Variants in F13A1 observed in about 807,000 individuals in gnomAD.
F13A1 encodes the protein coagulation factor XIII A chain.
Under a neutral mutation model 80.1 loss-of-function variants are expected in F13A1, and 47 were observed. That is an observed-to-expected ratio of 0.59 (90% CI 0.46 to 0.75). The LOEUF (loss-of-function observed/expected upper bound fraction) is 0.75. Ranked by LOEUF, F13A1 falls within the 30% of genes least tolerant of loss-of-function variation. The pLI is 0.00. For synonymous variants in F13A1, 349 were observed against 344.9 expected (o/e 1.01, Z -0.13); for missense variants, 817 against 930.4 (o/e 0.88, Z 1.59).
chr6:6,204,899 G>T (rs1385502556), intron 8 of F13A1, among the ~76,000 whole-genome samples: 2 of 152,190 alleles, frequency 1.3e-5, no homozygotes, highest in Non-Finnish European at 2.9e-5. Context: ...CATGTCAAAG[G>T]CCAGCAGTCC....
Position 6,144,506 on chromosome 6 carries a change from G to A in F13A1, c.*1113C>T, listed in dbSNP as rs974396950. On this transcript the variant is annotated 3_prime_UTR_variant, in exon 15 of 15. Coordinates refer to ENST00000264870, the MANE Select transcript of F13A1 (RefSeq NM_000129.4). The stretch of plus-strand genomic sequence containing the variant: ...AGGCAGCCTTCTCTGTAGTAGCCTT[G>A]GAACATAATACAAATGATGTCAGCA... 1.3e-5 allele frequency: 2 copies of A among 152,268 alleles called. No individual in the cohort carries two copies. Among genetic ancestry groups the A allele is most frequent in the South Asian group, 4.2e-4 (2 of 4,812 alleles). 9.4% of individuals were successfully genotyped at this position (152,268 alleles called of 1,614,324 possible). A position where few individuals can be genotyped will look rare whatever the true frequency, so the allele number is the denominator to read the frequency against.
intron 4 of F13A1, among the ~76,000 whole-genome samples, chr6:6,261,590 T>G (rs1182901678): frequency 1.2e-5 from 1 of 83,236 alleles, no homozygotes; most frequent in African/African-American, 3.5e-5. Flanking sequence ...GCCCTCCAGG[T>G]GATTCTGATG....
chr6:6,201,746 G>A (rs1055483547), intron 8 of F13A1, among the ~76,000 whole-genome samples: 1 of 152,112 alleles, frequency 6.6e-6, no homozygotes, highest in South Asian at 2.1e-4. Flanking sequence ...AGGGTCTCAT[G>A]TTGCCCAGGC....
intron 6 of F13A1, among the ~76,000 whole-genome samples, chr6:6,237,808 G>A (rs1204293744): frequency 1.3e-5 from 2 of 152,170 alleles, no homozygotes; most frequent in Non-Finnish European, 2.9e-5. Context: ...TATTCCCAGG[G>A]CTAGCACAGA....
intron 7 of F13A1, among the ~76,000 whole-genome samples, chr6:6,224,264 A>G (rs1179599670): frequency 1.3e-5 from 2 of 152,224 alleles, no homozygotes; most frequent in Non-Finnish European, 2.9e-5. Context: ...AAAATTCTCA[A>G]TAATAAATAA....
At chr6:6,148,983 T>C (rs1760328913) in intron 14 of F13A1, among the ~76,000 whole-genome samples, 2 of 133,580 alleles carry the variant, frequency 1.5e-5, no homozygotes, top group Non-Finnish European at 3.1e-5. Flanking sequence ...TTCACTCACA[T>C]GTAGACACTA....
intron 12 of F13A1, among the ~76,000 whole-genome samples, chr6:6,171,216 C>CT (rs533735391): frequency 1.5e-3 from 234 of 152,338 alleles, no homozygotes; most frequent in Non-Finnish European, 2.9e-3. Context: ...ACCTGGCCCA[C>CT]TTGGGGCCAA....
intron 14 of F13A1, among the ~76,000 whole-genome samples, chr6:6,146,181 A>T (rs972271210): frequency 1.3e-5 from 2 of 152,194 alleles, no homozygotes; most frequent in African/African-American, 4.8e-5. Context: ...TTACAGTCCT[A>T]TATGAATCCC....
At chr6:6,177,419 C>T (rs1241714411) in intron 11 of F13A1, among the ~76,000 whole-genome samples, 2 of 152,184 alleles carry the variant, frequency 1.3e-5, no homozygotes, top group African/African-American at 4.8e-5. Context: ...ACATTATCTT[C>T]CTTGCTGGAA....
Position 6,145,661 on chromosome 6 carries a change from A to G in F13A1, c.2157T>C (p.Tyr719=), listed in dbSNP as rs1760264070. The G allele has an allele frequency of 3.7e-6, 6 of 1,614,054 alleles. No homozygotes were observed. The Admixed American group carries it at 8.3e-5, about 22-fold the overall frequency. ...SMSSDSLRHV[Y]GELDVQIQRR... ...TTTGAATCTGCACGTCCAGCTCGCC[A>G]TACACATGTCTCAGGGAGTCACTGC... is the stretch of plus-strand genomic sequence containing the variant. Residue 719 remains tyrosine (Y), a synonymous_variant, in exon 15 of 15, where the codon TAT becomes TAC. Coordinates refer to ENST00000264870, the MANE Select transcript of F13A1 (RefSeq NM_000129.4).
At chr6:6,181,145 G>T (rs895196420) in intron 11 of F13A1, among the ~76,000 whole-genome samples, 40 of 152,046 alleles carry the variant, frequency 2.6e-4, no homozygotes, top group African/African-American at 9.2e-4. Flanking sequence ...CTGTAACTTT[G>T]GTCATGTTCA....
intron 4 of F13A1, among the ~76,000 whole-genome samples, chr6:6,253,209 A>C (rs896304235): frequency 6.6e-6 from 1 of 152,168 alleles, no homozygotes; most frequent in East Asian, 1.9e-4. Flanking sequence ...TATGTTGAAA[A>C]AGAAGAAAGA....
intron 3 of F13A1, among the ~76,000 whole-genome samples, chr6:6,270,249 A>T (rs1259698896): frequency 6.6e-6 from 1 of 152,202 alleles, no homozygotes; most frequent in Non-Finnish European, 1.5e-5. Context: ...AGACTCTTGA[A>T]GTCTAACACT....
intron 11 of F13A1, 70 bp from the exon 12 acceptor site, chr6:6,174,937 G>A: frequency 6.4e-7 from 1 of 1,574,086 alleles, no homozygotes; most frequent in Non-Finnish European, 8.7e-7. Context: ...ATTAATGGAT[G>A]CACCGTGTAC....
At chr6:6,169,422 A>G (rs955409081) in intron 12 of F13A1, 2 of 154,154 alleles carry the variant, frequency 1.3e-5, no homozygotes, top group African/African-American at 4.8e-5. Flanking sequence ...GACAATGCCT[A>G]TTGAAGTGTG....
intron 3 of F13A1, 161 bp downstream of exon 3, chr6:6,305,190 G>T: frequency 1.2e-6 from 1 of 811,310 alleles, no homozygotes; most frequent in South Asian, 1.5e-5. Flanking sequence ...GCACTATACA[G>T]ACCAGTCTTA....
chr6:6,286,452 G>A (rs1055444891), intron 3 of F13A1, among the ~76,000 whole-genome samples: 2 of 152,170 alleles, frequency 1.3e-5, no homozygotes, highest in Non-Finnish European at 2.9e-5. Context: ...TACCCACTTG[G>A]CCCTTTTCCA....
intron 6 of F13A1, among the ~76,000 whole-genome samples, chr6:6,225,570 C>T (rs569254382): frequency 5.9e-5 from 9 of 151,988 alleles, no homozygotes; most frequent in South Asian, 2.1e-4. Flanking sequence ...TGCAGTGGCA[C>T]GATCATGGTT....
Position 6,164,549 on chromosome 6 carries a change from G to A in F13A1, c.1908+2909C>T, listed in dbSNP as rs75363156. Among the ~76,000 whole-genome samples, 62 of 152,158 alleles carry A rather than the reference G, an allele frequency of 4.1e-4. 1 individual carries two copies. In the East Asian group the frequency reaches 0.012, roughly 29 times the overall value. ...AGGAGAAAAAATAACTCTTAATTGAGTTGTGTTTTATACAATTTATCTGAC... is the reference window on the plus strand; with the variant it reads ...AGGAGAAAAAATAACTCTTAATTGAATTGTGTTTTATACAATTTATCTGAC... On this transcript the variant is annotated intron_variant, in intron 13 of 14. Coordinates refer to ENST00000264870, the MANE Select transcript of F13A1 (RefSeq NM_000129.4).
Sources: gnomAD v4.1 joint callset for allele counts (sites outside exome capture counted in the v4.1 genomes callset) on GRCh38, gnomAD v4.1.1 for gene constraint, MANE v1.5 for transcripts, NCBI Gene and HGNC (gene_info 2026-07-23, HGNC 2026-07-21) for gene names.